SLC9A9: variants seen among roughly 807,000 people sequenced by gnomAD.
SLC9A9 encodes sodium/hydrogen exchanger 9.
In SLC9A9, 62 loss-of-function variants were observed where a neutral mutation model predicts 77.8. That is an observed-to-expected ratio of 0.80 (90% confidence interval 0.65 to 0.98). The LOEUF (loss-of-function observed/expected upper bound fraction) is 0.98. Ranked by LOEUF, SLC9A9 falls within the 50% of genes least tolerant of loss-of-function variation. The pLI, the probability that SLC9A9 is intolerant of heterozygous loss-of-function variation, is 0.00. For missense variants in SLC9A9, 775 were observed against 774.9 expected, an observed-to-expected ratio of 1.00 and a Z score of 0.00; for synonymous variants, 320 against 283.5, an observed-to-expected ratio of 1.13 and a Z score of -1.29.
chr3:143,821,879 T>C (rs1235402601), intron 2 of SLC9A9, among the ~76,000 whole-genome samples: 1 of 152,228 alleles, frequency 6.6e-6, no homozygotes, highest in Non-Finnish European at 1.5e-5. Context: ...GTTTAAAATC[T>C]AGACAAAGCT....
chr3:143,581,296 G>A (rs1405397276), intron 6 of SLC9A9, among the ~76,000 whole-genome samples: 1 of 152,146 alleles, frequency 6.6e-6, no homozygotes, highest in African/African-American at 2.4e-5. Flanking sequence ...GTGGGGTAAA[G>A]ATGGGTGAGG....
intron 4 of SLC9A9, among the ~76,000 whole-genome samples, chr3:143,703,925 C>T (rs547122907): frequency 4.4e-4 from 67 of 152,180 alleles, no homozygotes; most frequent in African/African-American, 1.5e-3. Context: ...TTAGTCGCTA[C>T]CCTGAGCAAC....
chr3:143,379,101 G>A (rs2033244210), intron 13 of SLC9A9, among the ~76,000 whole-genome samples: 1 of 151,890 alleles, frequency 6.6e-6, no homozygotes, highest in Non-Finnish European at 1.5e-5. Context: ...ATAACTACCT[G>A]CAAAATTTTT....
intron 14 of SLC9A9, among the ~76,000 whole-genome samples, chr3:143,290,720 G>T (rs2029918666): frequency 6.6e-6 from 1 of 152,166 alleles, no homozygotes; most frequent in Admixed American, 6.5e-5. Context: ...ATGTTAAATG[G>T]GTTCTGGGCC....
chr3:143,469,796 G>A (rs1001064555), intron 11 of SLC9A9, among the ~76,000 whole-genome samples: 1 of 152,190 alleles, frequency 6.6e-6, no homozygotes, highest in African/African-American at 2.4e-5. Flanking sequence ...TGTAATGGAG[G>A]AAGGAAATTA....
intron 11 of SLC9A9, among the ~76,000 whole-genome samples, chr3:143,490,287 T>G (rs987438549): frequency 1.3e-5 from 2 of 152,192 alleles, no homozygotes; most frequent in African/African-American, 4.8e-5. Context: ...CACTGATAGA[T>G]GAATAGATAA....
chr3:143,608,733 C>CGTTA (rs1217539463), intron 6 of SLC9A9, among the ~76,000 whole-genome samples: 6 of 151,720 alleles, frequency 4.0e-5, no homozygotes, highest in Admixed American at 6.6e-5. Context: ...ACAGACATAA[C>CGTTA]GCATATGAAA....
chr3:143,790,898 C>T (rs2008197859), intron 4 of SLC9A9, among the ~76,000 whole-genome samples: 2 of 152,120 alleles, frequency 1.3e-5, no homozygotes, highest in African/African-American at 4.8e-5. Flanking sequence ...AACAGAGAAA[C>T]TAAGAGCATA....
At chr3:143,608,832 C>CAGGA (rs1431686072) in intron 6 of SLC9A9, among the ~76,000 whole-genome samples, 1 of 152,092 alleles carries the variant, frequency 6.6e-6, no homozygotes, top group Non-Finnish European at 1.5e-5. Context: ...TAGGGAGGAA[C>CAGGA]AGGACTATGG....
At chr3:143,454,583 C>T (rs116411525) in intron 12 of SLC9A9, among the ~76,000 whole-genome samples, 1,992 of 152,196 alleles carry the variant, frequency 0.013, 43 homozygotes, top group African/African-American at 0.045. Context: ...ACTACCAAAC[C>T]TTAGCAGCAT....
At chr3:143,318,562 G>A (rs944600168) in intron 14 of SLC9A9, among the ~76,000 whole-genome samples, 3 of 152,074 alleles carry the variant, frequency 2.0e-5, no homozygotes, top group South Asian at 2.1e-4. Context: ...GCTAACCATC[G>A]GGAAGCATGA....
chr3:143,387,944 T>C (rs1260133149), intron 12 of SLC9A9, among the ~76,000 whole-genome samples: 1 of 152,224 alleles, frequency 6.6e-6, no homozygotes, highest in African/African-American at 2.4e-5. Context: ...CTTAGTTTCA[T>C]TGTGTGAATT....
intron 9 of SLC9A9, among the ~76,000 whole-genome samples, chr3:143,539,967 AT>A (rs2036658904): frequency 6.6e-6 from 1 of 152,072 alleles, no homozygotes; most frequent in South Asian, 2.1e-4. Context: ...CAAAACCATG[AT>A]TTGGGGGAAA....
At chr3:143,848,065 T>G in intron 1 of SLC9A9, 83 bp downstream of exon 1, 2 of 1,281,146 alleles carry the variant, frequency 1.6e-6, no homozygotes, top group Non-Finnish European at 2.3e-6. Context: ...TTCTCCAGTT[T>G]CGGTACTTTG....
chr3:143,401,839 T>C (rs1444134244), intron 12 of SLC9A9, among the ~76,000 whole-genome samples: 2 of 152,208 alleles, frequency 1.3e-5, no homozygotes, highest in Non-Finnish European at 2.9e-5. Context: ...AATCCACTTA[T>C]GATGCCTTAA....
At chr3:143,629,558 T>C (rs543204580) in intron 6 of SLC9A9, among the ~76,000 whole-genome samples, 2 of 151,106 alleles carry the variant, frequency 1.3e-5, no homozygotes, top group South Asian at 4.3e-4. Flanking sequence ...TACCAGTATA[T>C]GTGCGTGTGT....
At chr3:143,668,545 A>G in intron 5 of SLC9A9, among the ~76,000 whole-genome samples, 1 of 152,202 alleles carries the variant, frequency 6.6e-6, no homozygotes, top group Non-Finnish European at 1.5e-5. Context: ...TAAATAGCCT[A>G]TAAACACTTT....
chr3:143,642,294 C>T (rs1194487393), intron 6 of SLC9A9, among the ~76,000 whole-genome samples: 1 of 152,172 alleles, frequency 6.6e-6, no homozygotes, highest in Non-Finnish European at 1.5e-5. Flanking sequence ...CATCTCTCCT[C>T]TCTGGTTGCT....
chr3:143,392,860 T>C (rs969184969), intron 12 of SLC9A9, among the ~76,000 whole-genome samples: 1 of 152,160 alleles, frequency 6.6e-6, no homozygotes, highest in African/African-American at 2.4e-5. Context: ...AGAAGGCCAT[T>C]ACATAATGGT....
Sources: gnomAD v4.1 joint callset for allele counts (sites outside exome capture counted in the v4.1 genomes callset) on GRCh38, gnomAD v4.1.1 for gene constraint, MANE v1.5 for transcripts, NCBI Gene and HGNC (gene_info 2026-07-23, HGNC 2026-07-21) for gene names.